The following DPP10 variants were observed in gnomAD, a reference collection of about 807,000 sequenced individuals.
The protein encoded by DPP10 is inactive dipeptidyl peptidase 10.
A neutral mutation model predicts 120.9 loss-of-function variants in DPP10; 33 were observed. The observed-to-expected ratio is 0.27, with a 90% CI of 0.21 to 0.37. The LOEUF (loss-of-function observed/expected upper bound fraction) is 0.37. Among genes scored for constraint, DPP10 ranks in the 10% least tolerant of loss-of-function variants. The pLI is 1.00. For missense variants in DPP10, 816 were observed against 942.8 expected (o/e 0.87, Z 1.76); for synonymous variants, 337 against 326.1 (o/e 1.03, Z -0.36).
intron 2 of DPP10, among the ~76,000 whole-genome samples, chr2:115,328,124 G>A (rs1471939439): frequency 6.6e-6 from 1 of 151,988 alleles, no homozygotes; most frequent in Non-Finnish European, 1.5e-5. Context: ...ATAGAATCAA[G>A]CAACATATGT....
intron 3 of DPP10, among the ~76,000 whole-genome samples, chr2:115,491,307 A>G (rs1482090948): frequency 1.3e-5 from 2 of 152,150 alleles, no homozygotes; most frequent in Non-Finnish European, 2.9e-5. Flanking sequence ...TATCCAGGGC[A>G]GGGGGAGTCT....
chr2:114,574,541 C>G (rs1215672801), intron 1 of DPP10, among the ~76,000 whole-genome samples: 4 of 152,150 alleles, frequency 2.6e-5, no homozygotes, highest in Non-Finnish European at 5.9e-5. Context: ...TTGTTTAACA[C>G]AGAATTAAGT....
intron 1 of DPP10, among the ~76,000 whole-genome samples, chr2:115,293,928 C>T (rs2060770458): frequency 6.6e-6 from 1 of 151,828 alleles, no homozygotes; most frequent in Non-Finnish European, 1.5e-5. Flanking sequence ...ACAGCCAAGT[C>T]AAAAGATGGA....
At chr2:114,451,883 A>G (rs1177490788) in intron 1 of DPP10, among the ~76,000 whole-genome samples, 1 of 152,162 alleles carries the variant, frequency 6.6e-6, no homozygotes, top group Non-Finnish European at 1.5e-5. Context: ...GATAATCCAA[A>G]TATAAGATGT....
chr2:115,823,717 T>C (rs1366738056), intron 21 of DPP10, among the ~76,000 whole-genome samples: 1 of 152,222 alleles, frequency 6.6e-6, no homozygotes, highest in East Asian at 1.9e-4. Flanking sequence ...GGTTTTACTT[T>C]GGTTTTCTTT....
chr2:115,332,208 G>T (rs1410361333), intron 2 of DPP10, among the ~76,000 whole-genome samples: 1 of 152,146 alleles, frequency 6.6e-6, no homozygotes, highest in East Asian at 1.9e-4. Context: ...TAGTTTATTT[G>T]CATAGAGGTG....
chr2:114,443,506 T>A (rs887914259), intron 1 of DPP10, among the ~76,000 whole-genome samples: 5 of 152,184 alleles, frequency 3.3e-5, no homozygotes, highest in Non-Finnish European at 5.9e-5. Context: ...CTCTTCTGTT[T>A]TAGTTTCAAG....
At chr2:115,116,491 T>A (rs2049513981) in intron 1 of DPP10, among the ~76,000 whole-genome samples, 1 of 152,204 alleles carries the variant, frequency 6.6e-6, no homozygotes, top group Non-Finnish European at 1.5e-5. Context: ...GCCATGATCC[T>A]AATCTTAATT....
chr2:114,641,496 C>A (rs2105430832), intron 1 of DPP10, among the ~76,000 whole-genome samples: 1 of 152,068 alleles, frequency 6.6e-6, no homozygotes, highest in Non-Finnish European at 1.5e-5. Context: ...CTGGATGCTG[C>A]CAAAGTGAGC....
At chr2:115,230,521 G>T (rs966470035) in intron 1 of DPP10, among the ~76,000 whole-genome samples, 5 of 151,906 alleles carry the variant, frequency 3.3e-5, no homozygotes, top group African/African-American at 1.2e-4. Context: ...AGTTGCTGTT[G>T]TATCTACTTT....
At chr2:114,710,350 G>A (rs921878430) in intron 1 of DPP10, among the ~76,000 whole-genome samples, 2 of 152,224 alleles carry the variant, frequency 1.3e-5, no homozygotes, top group Admixed American at 1.3e-4. Flanking sequence ...TATACAATAA[G>A]TTGCTTGCTT....
intron 1 of DPP10, among the ~76,000 whole-genome samples, chr2:114,762,111 G>A (rs1205342819): frequency 4.6e-5 from 7 of 152,132 alleles, no homozygotes; most frequent in Admixed American, 1.3e-4. Flanking sequence ...GCTTTTATTT[G>A]CTTCTCCTGT....
chr2:114,957,967 A>T (rs558455709), intron 1 of DPP10, among the ~76,000 whole-genome samples: 2 of 152,266 alleles, frequency 1.3e-5, no homozygotes, highest in Non-Finnish European at 2.9e-5. Flanking sequence ...GAAAGGGGAG[A>T]TGTAGATCAA....
At chr2:115,564,353 A>G (rs1167437971) in intron 5 of DPP10, among the ~76,000 whole-genome samples, 1 of 151,996 alleles carries the variant, frequency 6.6e-6, no homozygotes, top group Non-Finnish European at 1.5e-5. Context: ...GTTTAAAGAT[A>G]AACTATTAAC....
chr2:114,972,889 C>T (rs752453152), intron 1 of DPP10, among the ~76,000 whole-genome samples: 45 of 152,262 alleles, frequency 3.0e-4, no homozygotes, highest in Admixed American at 5.2e-4. Flanking sequence ...TTTGGAAGGA[C>T]GAAGGGGTCA....
chr2:114,522,747 A>G (rs569292684), intron 1 of DPP10, among the ~76,000 whole-genome samples: 2 of 152,160 alleles, frequency 1.3e-5, no homozygotes, highest in Non-Finnish European at 2.9e-5. Flanking sequence ...ATAGACTTAC[A>G]GTTCCACGTG....
At chr2:114,661,256 T>C (rs1191511153) in intron 1 of DPP10, among the ~76,000 whole-genome samples, 2 of 152,222 alleles carry the variant, frequency 1.3e-5, no homozygotes, top group Non-Finnish European at 2.9e-5. Flanking sequence ...TTACAATCTT[T>C]GATGTCCAGC....
intron 1 of DPP10, among the ~76,000 whole-genome samples, chr2:114,601,477 G>A (rs1372484390): frequency 6.6e-6 from 1 of 151,744 alleles, no homozygotes; most frequent in Non-Finnish European, 1.5e-5. Flanking sequence ...TTTTTCTTCT[G>A]TTTTAAAGGG....
At chr2:114,820,068 A>G (rs1412895610) in intron 1 of DPP10, among the ~76,000 whole-genome samples, 8 of 152,176 alleles carry the variant, frequency 5.3e-5, no homozygotes, top group African/African-American at 1.9e-4. Context: ...TCTTTTTAAC[A>G]GCTCTATTAT....
Sources: gnomAD v4.1 joint callset for allele counts (sites outside exome capture counted in the v4.1 genomes callset) on GRCh38, gnomAD v4.1.1 for gene constraint, MANE v1.5 for transcripts, NCBI Gene and HGNC (gene_info 2026-07-23, HGNC 2026-07-21) for gene names.